The following EXOC6B variants were observed in gnomAD, a reference collection of about 807,000 sequenced individuals.
EXOC6B encodes the protein SEC15 homolog B.
In EXOC6B, 54 loss-of-function variants were observed where a neutral mutation model predicts 113.5. The ratio of observed to expected loss-of-function variants is 0.48; its 90% CI spans 0.38 to 0.60. EXOC6B has a LOEUF of 0.60. Among genes scored for constraint, EXOC6B ranks in the 20% least tolerant of loss-of-function variants. The pLI is 0.00. For synonymous variants in EXOC6B, 357 were observed against 339.0 expected, an observed-to-expected ratio of 1.05 and a Z score of -0.58; for missense variants, 797 against 977.5, an observed-to-expected ratio of 0.82 and a Z score of 2.46.
chr2:72,577,615 T>A (rs1336873695), intron 6 of EXOC6B, among the ~76,000 whole-genome samples: 1 of 151,936 alleles, frequency 6.6e-6, no homozygotes, highest in Non-Finnish European at 1.5e-5. Context: ...TCAAAATGTA[T>A]GTTATGGTAC....
intron 20 of EXOC6B, among the ~76,000 whole-genome samples, chr2:72,295,252 C>T (rs531158483): frequency 8.1e-5 from 12 of 148,574 alleles, no homozygotes; most frequent in Non-Finnish European, 1.6e-4. Flanking sequence ...AAAAAAAATA[C>T]TCAGACCTCA....
intron 18 of EXOC6B, among the ~76,000 whole-genome samples, chr2:72,401,254 G>A (rs1473400989): frequency 6.6e-6 from 1 of 150,698 alleles, no homozygotes; most frequent in African/African-American, 2.4e-5. Context: ...CTGAGGTCAG[G>A]AGTTTAAGAC....
intron 20 of EXOC6B, among the ~76,000 whole-genome samples, chr2:72,298,697 A>C (rs1242262476): frequency 6.6e-6 from 1 of 152,106 alleles, no homozygotes; most frequent in Non-Finnish European, 1.5e-5. Context: ...ACAAAATCTC[A>C]GCATTTGCTT....
Position 72,199,658 on chromosome 2 carries a change from T to C in EXOC6B, c.2197-15471A>G, listed in dbSNP as rs180838152. ...TCCTTTTCTATCAGAATCTCCTTTC[T>C]GTCCTCATGCCAGAAACTGTCACAA... On this transcript the variant is annotated intron_variant, in intron 20 of 21. Coordinates refer to ENST00000272427, the MANE Select transcript of EXOC6B (RefSeq NM_015189.3). 4.9e-3 allele frequency among the ~76,000 whole-genome samples: 742 copies of C among 152,292 alleles called. 6 individuals are homozygous for C. Among genetic ancestry groups the C allele is most frequent in the African/African-American group, 0.017 (707 of 41,560 alleles).
chr2:72,747,662 T>A (rs1204944021), intron 1 of EXOC6B, among the ~76,000 whole-genome samples: 1 of 151,976 alleles, frequency 6.6e-6, no homozygotes, highest in Non-Finnish European at 1.5e-5. Context: ...AACAAGCAAA[T>A]CAAAGAAACA....
intron 11 of EXOC6B, among the ~76,000 whole-genome samples, chr2:72,502,649 A>T (rs1700386340): frequency 6.6e-6 from 1 of 152,186 alleles, no homozygotes; most frequent in African/African-American, 2.4e-5. Context: ...AAAATACAAA[A>T]TTTCCAATAT....
intron 19 of EXOC6B, among the ~76,000 whole-genome samples, chr2:72,352,758 C>CTAA (rs1265101977): frequency 1.4e-5 from 2 of 145,582 alleles, no homozygotes; most frequent in East Asian, 4.0e-4. Context: ...ATGTGTAAGG[C>CTAA]GTTATCTACA....
chr2:72,254,777 A>C (rs938954812), intron 20 of EXOC6B, among the ~76,000 whole-genome samples: 1 of 152,166 alleles, frequency 6.6e-6, no homozygotes, highest in African/African-American at 2.4e-5. Flanking sequence ...TTTGGCAGAA[A>C]ACTCGGCTGA....
At chr2:72,388,278 ATTTC>A (rs1411731738) in intron 18 of EXOC6B, among the ~76,000 whole-genome samples, 1 of 152,142 alleles carries the variant, frequency 6.6e-6, no homozygotes, top group Non-Finnish European at 1.5e-5. Flanking sequence ...TATTTTCTAA[ATTTC>A]TTTGTGGTTT....
At chr2:72,431,359 G>T (rs1695506735) in intron 18 of EXOC6B, among the ~76,000 whole-genome samples, 1 of 151,982 alleles carries the variant, frequency 6.6e-6, no homozygotes, top group Non-Finnish European at 1.5e-5. Flanking sequence ...TGTCCTCCAG[G>T]TGGATGCAGT....
intron 1 of EXOC6B, among the ~76,000 whole-genome samples, chr2:72,749,455 C>T (rs1259307078): frequency 6.6e-6 from 1 of 151,998 alleles, no homozygotes; most frequent in African/African-American, 2.4e-5. Flanking sequence ...TATTCAGTAG[C>T]AGGGTGGTGC....
At chr2:72,302,033 T>G (rs547397260) in intron 20 of EXOC6B, among the ~76,000 whole-genome samples, 5 of 152,338 alleles carry the variant, frequency 3.3e-5, no homozygotes, top group Non-Finnish European at 5.9e-5. Context: ...TTCTGGCATG[T>G]TGTATCTTTC....
intron 6 of EXOC6B, among the ~76,000 whole-genome samples, chr2:72,683,340 G>A (rs75136234): frequency 2.2e-3 from 332 of 152,172 alleles, no homozygotes; most frequent in African/African-American, 7.5e-3. Context: ...TCCAGTAACA[G>A]AGGAAGAGTT....
At chr2:72,326,524 T>C (rs1688138623) in intron 20 of EXOC6B, among the ~76,000 whole-genome samples, 1 of 152,028 alleles carries the variant, frequency 6.6e-6, no homozygotes. Flanking sequence ...ATGTTATGCT[T>C]GTTAGCTCTT....
intron 6 of EXOC6B, among the ~76,000 whole-genome samples, chr2:72,584,179 T>C (rs1019171765): frequency 3.3e-5 from 5 of 151,740 alleles, no homozygotes; most frequent in Non-Finnish European, 7.4e-5. Flanking sequence ...ATATGAAGTC[T>C]AAATTCCCTA....
intron 20 of EXOC6B, among the ~76,000 whole-genome samples, chr2:72,270,634 C>T (rs1489717701): frequency 4.6e-5 from 7 of 152,078 alleles, no homozygotes; most frequent in African/African-American, 1.7e-4. Context: ...TTCTTAGCTG[C>T]TTGCTTCTCA....
intron 1 of EXOC6B, among the ~76,000 whole-genome samples, chr2:72,769,306 G>A (rs1356307293): frequency 2.0e-5 from 3 of 152,044 alleles, no homozygotes; most frequent in Non-Finnish European, 4.4e-5. Context: ...ATACATGAAT[G>A]GTGACTCTAC....
chr2:72,586,258 T>C (rs938945126), intron 6 of EXOC6B, among the ~76,000 whole-genome samples: 5 of 151,978 alleles, frequency 3.3e-5, no homozygotes, highest in African/African-American at 1.2e-4. Flanking sequence ...AGGACCTAAT[T>C]AAACTAAAGA....
chr2:72,586,740 G>T (rs1029380361), intron 6 of EXOC6B, among the ~76,000 whole-genome samples: 5 of 151,314 alleles, frequency 3.3e-5, no homozygotes, highest in Non-Finnish European at 7.4e-5. Context: ...GGCAGAGCAA[G>T]ACTCCGTCTC....
Sources: allele counts gnomAD v4.1 joint callset (sites outside exome capture counted in the v4.1 genomes callset), GRCh38; gene constraint gnomAD v4.1.1; transcripts MANE v1.5; gene names NCBI Gene and HGNC (gene_info 2026-07-23, HGNC 2026-07-21).